The following ARHGAP26 variants were observed in gnomAD, a reference collection of about 807,000 sequenced individuals.
ARHGAP26 encodes the protein rho GTPase-activating protein 26.
A neutral mutation model predicts 104.8 loss-of-function variants in ARHGAP26; 38 were observed. The ratio of observed to expected loss-of-function variants is 0.36; its 90% CI spans 0.28 to 0.48. The LOEUF is 0.48. Among genes scored for constraint, ARHGAP26 ranks in the 20% least tolerant of loss-of-function variants. The pLI is 0.99. For missense variants in ARHGAP26, 704 were observed against 947.9 expected, an observed-to-expected ratio of 0.74 and a Z score of 3.38; for synonymous variants, 341 against 340.0, an observed-to-expected ratio of 1.00 and a Z score of -0.03.
At chr5:142,983,556 C>G (rs758785380) in intron 11 of ARHGAP26, among the ~76,000 whole-genome samples, 14 of 152,124 alleles carry the variant, frequency 9.2e-5, no homozygotes, top group Admixed American at 9.2e-4. Flanking sequence ...TAGGAAAAAT[C>G]CCAAAGTCTA....
At chr5:142,978,770 A>G (rs1440508031) in intron 11 of ARHGAP26, among the ~76,000 whole-genome samples, 1 of 146,678 alleles carries the variant, frequency 6.8e-6, no homozygotes, top group African/African-American at 2.5e-5. Context: ...TTTTTTGTAA[A>G]AATTGAAAAT....
At chr5:143,167,927 A>T (rs530420290) in intron 20 of ARHGAP26, among the ~76,000 whole-genome samples, 9 of 152,368 alleles carry the variant, frequency 5.9e-5, no homozygotes, top group Non-Finnish European at 1.3e-4. Context: ...AAGATGAGTT[A>T]CAGGGGATCG....
intron 11 of ARHGAP26, among the ~76,000 whole-genome samples, chr5:142,976,622 C>T (rs1213241580): frequency 1.3e-5 from 2 of 152,052 alleles, no homozygotes; most frequent in Non-Finnish European, 1.5e-5. Flanking sequence ...AAAAATGCAA[C>T]GTTCATAAGA....
At chr5:143,015,880 G>A (rs1254773885) in intron 12 of ARHGAP26, among the ~76,000 whole-genome samples, 2 of 152,306 alleles carry the variant, frequency 1.3e-5, no homozygotes, top group East Asian at 3.9e-4. Flanking sequence ...ATCCCAACTG[G>A]TTCTGACATT....
intron 11 of ARHGAP26, among the ~76,000 whole-genome samples, chr5:142,935,544 A>G (rs1008919665): frequency 6.6e-6 from 1 of 152,202 alleles, no homozygotes; most frequent in African/African-American, 2.4e-5. Context: ...TAGTTTGTTG[A>G]TCCCTGATCT....
At chr5:143,116,540 C>T (rs1438291594) in intron 17 of ARHGAP26, among the ~76,000 whole-genome samples, 2 of 152,172 alleles carry the variant, frequency 1.3e-5, no homozygotes, top group Non-Finnish European at 2.9e-5. Flanking sequence ...AGCTCTGGCT[C>T]TCATTTAAAC....
At chr5:143,034,181 A>C (rs984624725) in intron 12 of ARHGAP26, among the ~76,000 whole-genome samples, 7 of 152,210 alleles carry the variant, frequency 4.6e-5, no homozygotes, top group African/African-American at 1.4e-4. Flanking sequence ...CTTAGAAAAC[A>C]GTTTGGCAAT....
chr5:143,046,065 C>T (rs1358190524), intron 14 of ARHGAP26, among the ~76,000 whole-genome samples: 3 of 152,076 alleles, frequency 2.0e-5, no homozygotes, highest in Admixed American at 2.0e-4. Flanking sequence ...ACCCGGGAGG[C>T]GGAGGTTGCA....
intron 11 of ARHGAP26, among the ~76,000 whole-genome samples, chr5:142,940,614 C>T (rs1280283726): frequency 6.6e-6 from 1 of 152,114 alleles, no homozygotes; most frequent in Non-Finnish European, 1.5e-5. Flanking sequence ...TCTGCATTCC[C>T]CCAAGGGGCA....
At chr5:143,034,596 G>A (rs1228876703) in intron 12 of ARHGAP26, among the ~76,000 whole-genome samples, 1 of 152,132 alleles carries the variant, frequency 6.6e-6, no homozygotes, top group African/African-American at 2.4e-5. Context: ...GGAAGACATG[G>A]CTAATGTGTA....
At chr5:143,215,395 T>A (rs113055432) in intron 22 of ARHGAP26, among the ~76,000 whole-genome samples, 1 of 152,384 alleles carries the variant, frequency 6.6e-6, no homozygotes, top group South Asian at 2.1e-4. Context: ...TCAAAAGTTA[T>A]GTATATGCTT....
At chr5:142,970,485 G>A (rs1458626799) in intron 11 of ARHGAP26, among the ~76,000 whole-genome samples, 2 of 152,124 alleles carry the variant, frequency 1.3e-5, no homozygotes, top group Non-Finnish European at 2.9e-5. Context: ...ATCCACTTCT[G>A]GCGGCTCCAA....
At chr5:142,838,585 C>A (rs1391242687) in intron 1 of ARHGAP26, among the ~76,000 whole-genome samples, 2 of 152,146 alleles carry the variant, frequency 1.3e-5, no homozygotes, top group East Asian at 1.9e-4. Context: ...GACAATAATG[C>A]CTACATTTCA....
chr5:142,950,289 A>C (rs1768113466), intron 11 of ARHGAP26, among the ~76,000 whole-genome samples: 1 of 152,104 alleles, frequency 6.6e-6, no homozygotes, highest in Non-Finnish European at 1.5e-5. Context: ...CAGTCTCATC[A>C]TGGGGTTTCC....
At chr5:142,987,661 A>G (rs984530951) in intron 11 of ARHGAP26, among the ~76,000 whole-genome samples, 2 of 152,148 alleles carry the variant, frequency 1.3e-5, no homozygotes, top group African/African-American at 4.8e-5. Flanking sequence ...TTATTTTGAG[A>G]TATGTCCCAT....
chr5:143,062,477 C>T (rs540719113), intron 17 of ARHGAP26, among the ~76,000 whole-genome samples: 1 of 148,196 alleles, frequency 6.7e-6, no homozygotes, highest in Non-Finnish European at 1.5e-5. Context: ...TATGTAGACT[C>T]TGTTGGCAGA....
chr5:143,218,374 A>G (rs1022769577), intron 22 of ARHGAP26, among the ~76,000 whole-genome samples: 1 of 152,184 alleles, frequency 6.6e-6, no homozygotes, highest in Non-Finnish European at 1.5e-5. Context: ...GTTCTGTGCT[A>G]TGTGCAAGGA....
At chr5:143,069,718 G>A (rs1787980719) in intron 17 of ARHGAP26, among the ~76,000 whole-genome samples, 1 of 152,182 alleles carries the variant, frequency 6.6e-6, no homozygotes, top group Non-Finnish European at 1.5e-5. Context: ...TTTTGCCTTA[G>A]AGAATTCCTG....
At chr5:142,872,175 C>T (rs1455662388) in intron 1 of ARHGAP26, among the ~76,000 whole-genome samples, 1 of 151,852 alleles carries the variant, frequency 6.6e-6, no homozygotes, top group Admixed American at 6.6e-5. Flanking sequence ...GCAGGATGCA[C>T]TGCCAGGTAC....
Sources: allele counts gnomAD v4.1 joint callset (sites outside exome capture counted in the v4.1 genomes callset), GRCh38; gene constraint gnomAD v4.1.1; transcripts MANE v1.5; gene names NCBI Gene and HGNC (gene_info 2026-07-23, HGNC 2026-07-21).